Variants in CDH10 observed in about 807,000 individuals in gnomAD.
CDH10 encodes the protein cadherin-10.
Under a neutral mutation model 73.1 loss-of-function variants are expected in CDH10, and 30 were observed. The ratio of observed to expected loss-of-function variants is 0.41; its 90% confidence interval spans 0.31 to 0.56. The LOEUF (loss-of-function observed/expected upper bound fraction) is 0.56. CDH10 is among the 20% of genes least tolerant of loss of function. CDH10 has a pLI of 0.27. For missense variants in CDH10, 815 were observed against 973.7 expected (o/e 0.84, Z 2.17); for synonymous variants, 345 against 348.2 (o/e 0.99, Z 0.10).
At chr5:24,572,018 AT>A (rs767312907) in intron 2 of CDH10, among the ~76,000 whole-genome samples, 23 of 152,058 alleles carry the variant, frequency 1.5e-4, no homozygotes, top group Non-Finnish European at 3.1e-4. Context: ...TTTATGTAAA[AT>A]TTTTCTGGTT....
chr5:24,556,883 AG>A (rs1744786319), intron 2 of CDH10, among the ~76,000 whole-genome samples: 1 of 151,840 alleles, frequency 6.6e-6, no homozygotes, highest in East Asian at 1.9e-4. Context: ...ATTGGTTTCT[AG>A]AGATGTACAC....
At chr5:24,593,206 A>G in intron 2 of CDH10, 54 bp downstream of exon 2, 1 of 953,330 alleles carries the variant, frequency 1.0e-6, no homozygotes, top group Non-Finnish European at 1.6e-6. Flanking sequence ...AATTTTCATC[A>G]GTAAAATATA....
chr5:24,590,271 C>G (rs1308891793), intron 2 of CDH10, among the ~76,000 whole-genome samples: 1 of 151,502 alleles, frequency 6.6e-6, no homozygotes, highest in Non-Finnish European at 1.5e-5. Context: ...TTCCCTTTCT[C>G]TCTCCTCCTC....
At chr5:24,526,945 T>C (rs1743554218) in intron 5 of CDH10, among the ~76,000 whole-genome samples, 1 of 151,868 alleles carries the variant, frequency 6.6e-6, no homozygotes, top group Non-Finnish European at 1.5e-5. Context: ...ATTCATTTTA[T>C]CCCCTTTAAC....
At chr5:24,488,735 G>C (rs1326811946) in intron 11 of CDH10, among the ~76,000 whole-genome samples, 1 of 151,462 alleles carries the variant, frequency 6.6e-6, no homozygotes, top group East Asian at 2.0e-4. Context: ...ATTAGTTAGA[G>C]TTAGATGAAT....
At chr5:24,608,280 A>T (rs1006542470) in intron 1 of CDH10, among the ~76,000 whole-genome samples, 3 of 151,870 alleles carry the variant, frequency 2.0e-5, no homozygotes, top group Admixed American at 1.3e-4. Context: ...TAATTTATTT[A>T]CATTTTGAAT....
rs180936821 is a variant in CDH10, at chr5:24,545,861, C to T, written c.232-8187G>A. ...TATTTCTGTAACTGATTGAATGAAA[C>T]TAAAGAAGTGATAGAAATTCAAAGG... is the stretch of plus-strand genomic sequence containing the variant. On this transcript the variant is annotated intron_variant, in intron 2 of 11. Coordinates refer to ENST00000264463, the MANE Select transcript of CDH10 (RefSeq NM_006727.5). 1.9e-4 allele frequency among the ~76,000 whole-genome samples: 29 copies of T among 152,122 alleles called. No homozygotes were observed. In the East Asian group the frequency reaches 5.0e-3, roughly 26 times the overall value.
chr5:24,639,875 AC>A (rs1392108071), intron 1 of CDH10, among the ~76,000 whole-genome samples: 1 of 151,776 alleles, frequency 6.6e-6, no homozygotes, highest in Non-Finnish European at 1.5e-5. Flanking sequence ...TCATGTCTGT[AC>A]ATTCTACATT....
rs2111876458 is a variant in CDH10, at chr5:24,535,142, C to T, written c.784G>A (p.Val262Ile). The T allele has an allele frequency of 6.2e-7, 1 of 1,612,060 alleles. No individual in the cohort carries two copies. Residue 262 changes from valine (V) to isoleucine (I), a missense_variant, in exon 5 of 12, where the codon GTC (valine) becomes ATC (isoleucine). Physicochemically the swap from Val to Ile is conservative, Grantham distance 29. Coordinates refer to ENST00000264463, the MANE Select transcript of CDH10 (RefSeq NM_006727.5). ...GGGAAACGTGGTGGGTTGTCATTGA[C>T]ATCTGTCAGCGTGATGTTCACAGTG... Reference protein sequence around the residue: ...TTTVNITLTDVNDNPPRFPQN... With the variant: ...TTTVNITLTDINDNPPRFPQN...
chr5:24,557,529 G>T (rs1164736255), intron 2 of CDH10, among the ~76,000 whole-genome samples: 1 of 151,468 alleles, frequency 6.6e-6, no homozygotes, highest in Non-Finnish European at 1.5e-5. Flanking sequence ...TAACAATAAA[G>T]ATAACACCAT....
intron 5 of CDH10, among the ~76,000 whole-genome samples, chr5:24,517,310 G>A (rs1579748060): frequency 6.6e-6 from 1 of 152,028 alleles, no homozygotes; most frequent in Non-Finnish European, 1.5e-5. Context: ...CAATTCTAAC[G>A]CCCAAACACT....
intron 5 of CDH10, among the ~76,000 whole-genome samples, chr5:24,521,527 G>C (rs10062372): frequency 2.6e-5 from 4 of 151,818 alleles, no homozygotes; most frequent in African/African-American, 9.7e-5. Flanking sequence ...GAAGAGAATC[G>C]CTTGAACCTG....
intron 2 of CDH10, among the ~76,000 whole-genome samples, chr5:24,570,239 A>G (rs2112019545): frequency 6.6e-6 from 1 of 152,302 alleles, no homozygotes; most frequent in East Asian, 1.9e-4. Flanking sequence ...TAAGTTAAAG[A>G]CAAGAAGAAA....
Position 24,547,490 on chromosome 5 carries a change from A to AG in CDH10, c.232-9817dup, listed in dbSNP as rs887300797. 3.8e-4 allele frequency among the ~76,000 whole-genome samples: 58 copies of AG among 152,222 alleles called. 1 individual carries two copies. The highest frequency in any genetic ancestry group is 9.9e-4 in the African/African-American group (41 of 41,566). ...TGGCCAAGGAAAGGGCACTTCTAGG[A>AG]GAAAAAAAAATAAGAGTTTTTATGG... On this transcript the variant is annotated intron_variant, in intron 2 of 11. Transcript: ENST00000264463.
At chr5:24,614,926 A>C (rs539637405) in intron 1 of CDH10, among the ~76,000 whole-genome samples, 158 of 152,142 alleles carry the variant, frequency 1.0e-3, no homozygotes, top group Admixed American at 2.0e-3. Flanking sequence ...ATGACGATGT[A>C]CAGGCTCTGG....
At chr5:24,581,206 T>G (rs1213884544) in intron 2 of CDH10, among the ~76,000 whole-genome samples, 1 of 152,158 alleles carries the variant, frequency 6.6e-6, no homozygotes, top group Non-Finnish European at 1.5e-5. Context: ...CTTGCTTCCT[T>G]TGCTTCAGCT....
In CDH10 at chr5:24,509,612, C is replaced by G. The variant is rs2111750402; in HGVS notation, c.1210G>C (p.Gly404Arg). The change falls in exon 7 of 12, where the codon GGT becomes CGT. Residue 404 changes from glycine to arginine, a missense_variant. Gly to Arg is a moderately radical substitution (Grantham distance 125, BLOSUM62 -2). This residue lies in a region of CDH10 where 516 missense variants were observed against 636.6 expected (regional missense o/e 0.81). Transcript: ENST00000264463. ...HEDIEVGTII[G>R]TVMARDPDSI... Reference sequence around the variant, plus strand: ...TCTGGGTCCCTTGCCATTACAGTACCAATGATTGTGCCCACTTCAATATCT... The same window carrying G: ...TCTGGGTCCCTTGCCATTACAGTACGAATGATTGTGCCCACTTCAATATCT... 1 of 1,613,824 alleles carries G rather than the reference C, an allele frequency of 6.2e-7. No individual in the cohort carries two copies. The highest frequency in any genetic ancestry group is 8.5e-7 in the Non-Finnish European group (1 of 1,179,816).
At chr5:24,573,412 CA>C (rs1294176533) in intron 2 of CDH10, among the ~76,000 whole-genome samples, 3 of 151,902 alleles carry the variant, frequency 2.0e-5, no homozygotes, top group Non-Finnish European at 2.9e-5. Flanking sequence ...AGTTTAAAGA[CA>C]AAAGCAGGCC....
At chr5:24,504,291 G>A (rs1425220820) in intron 8 of CDH10, among the ~76,000 whole-genome samples, 1 of 151,942 alleles carries the variant, frequency 6.6e-6, no homozygotes, top group African/African-American at 2.4e-5. Context: ...AATGGGAAGT[G>A]AGGCCAAGAA....
Sources: gnomAD v4.1 joint callset for allele counts (sites outside exome capture counted in the v4.1 genomes callset) on GRCh38, gnomAD v4.1.1 for gene constraint, gnomAD v4.1.1 regional missense constraint, MANE v1.5 for transcripts, NCBI Gene and HGNC (gene_info 2026-07-23, HGNC 2026-07-21) for gene names.